The following GABRB3 variants were observed in gnomAD, a reference collection of about 807,000 sequenced individuals.
GABRB3 encodes gamma-aminobutyric acid type A receptor subunit beta3, also known as gamma-aminobutyric acid receptor subunit beta-3.
GABRB3 carries 14 observed loss-of-function variants against 52.1 expected under a neutral mutation model. The observed-to-expected ratio is 0.27, with a 90% CI of 0.18 to 0.42. GABRB3 has a LOEUF of 0.42. Among genes scored for constraint, GABRB3 ranks in the 10% least tolerant of loss-of-function variants. The pLI is 1.00. For missense variants in GABRB3, 307 were observed against 609.1 expected (o/e 0.50, Z 5.22); for synonymous variants, 260 against 232.3 (o/e 1.12, Z -1.08).
intron 3 of GABRB3, among the ~76,000 whole-genome samples, chr15:26,739,751 T>C (rs1890155009): frequency 6.6e-6 from 1 of 152,232 alleles, no homozygotes. Flanking sequence ...GTTCACATAA[T>C]GTGTACAAAT....
At chr15:26,664,122 A>G (rs1455340324) in intron 3 of GABRB3, among the ~76,000 whole-genome samples, 2 of 152,112 alleles carry the variant, frequency 1.3e-5, no homozygotes, top group Admixed American at 1.3e-4. Flanking sequence ...ATAGCTCCCT[A>G]TAACCTCGGA....
chr15:26,664,822 T>G (rs1229145559), intron 3 of GABRB3, among the ~76,000 whole-genome samples: 2 of 144,706 alleles, frequency 1.4e-5, no homozygotes, highest in Admixed American at 7.1e-5. Context: ...AAGCTCAGCC[T>G]CCCAAGTAGC....
chr15:26,597,546 G>A (rs1333673953), intron 4 of GABRB3, among the ~76,000 whole-genome samples: 2 of 152,208 alleles, frequency 1.3e-5, no homozygotes, highest in African/African-American at 2.4e-5. Context: ...CTACATGGAT[G>A]AAATGGAGGT....
rs1487709877 is a variant in GABRB3 at position 26,554,146 on chromosome 15, A to G, written c.1081-6012T>C. Among the ~76,000 whole-genome samples, 206 of 39,718 alleles carry G rather than the reference A, an allele frequency of 5.2e-3. 10 individuals are homozygous for G. Among genetic ancestry groups the G allele is most frequent in the African/African-American group, 0.026 (189 of 7,220 alleles). The allele number at this position is 39,718 out of a possible 152,430, so 26.1% of individuals were successfully genotyped here. On this transcript the variant is annotated intron_variant, in intron 8 of 8. Coordinates refer to ENST00000311550, the MANE Select transcript of GABRB3 (RefSeq NM_000814.6). ...GTGTGTGTATATATATATATAAAGT[A>G]TATATATATATAAAGTATATATATA...
chr15:26,625,697 A>G (rs1892664541), intron 3 of GABRB3, among the ~76,000 whole-genome samples: 1 of 152,190 alleles, frequency 6.6e-6, no homozygotes, highest in Non-Finnish European at 1.5e-5. Flanking sequence ...TACAAAAATA[A>G]GAAATGACTG....
Position 26,733,218 on chromosome 15 carries a change from T to C in GABRB3, c.240+39184A>G, listed in dbSNP as rs755801471. On this transcript the variant is annotated intron_variant, in intron 3 of 8. Transcript: ENST00000311550. The stretch of plus-strand genomic sequence containing the variant: ...AAAGAAAAAAGTAAAATTCTCTCCC[T>C]TTATGGATGATATGATATTTTATGT... 5.1e-4 allele frequency among the ~76,000 whole-genome samples: 78 copies of C among 152,288 alleles called. 1 individual carries two copies. The highest frequency in any genetic ancestry group is 6.8e-3 in the Middle Eastern group (2 of 294).
At position 26,560,863 on chromosome 15, in the gene GABRB3, T is replaced by C. The variant is rs914034274; in HGVS notation, c.1080+69A>G. 20 of 1,604,578 alleles carry C rather than the reference T, an allele frequency of 1.2e-5. No homozygotes were observed. In the East Asian group the frequency reaches 3.1e-4, roughly 25 times the overall value. ...CTACTGGGGAAAAAACAAAGAAATA[T>C]CATGCAAGTAAATGCAGTAGCTGCT... On this transcript the variant is annotated intron_variant, in intron 8 of 8. Coordinates refer to ENST00000311550, the MANE Select transcript of GABRB3 (RefSeq NM_000814.6).
intron 3 of GABRB3, among the ~76,000 whole-genome samples, chr15:26,640,117 A>C (rs1333880118): frequency 1.3e-5 from 2 of 152,226 alleles, no homozygotes; most frequent in Non-Finnish European, 2.9e-5. Context: ...CACACTATTC[A>C]TATTCAAATG....
intron 3 of GABRB3, among the ~76,000 whole-genome samples, chr15:26,623,348 G>C (rs1892560821): frequency 6.6e-6 from 1 of 152,188 alleles, no homozygotes. Flanking sequence ...GGAGCAGAGA[G>C]CCATGACCAG....
intron 3 of GABRB3, among the ~76,000 whole-genome samples, chr15:26,695,631 A>C (rs1275597976): frequency 6.6e-6 from 1 of 152,158 alleles, no homozygotes; most frequent in Non-Finnish European, 1.5e-5. Flanking sequence ...TAGGTCAGGA[A>C]CTCAGATCTG....
intron 8 of GABRB3, among the ~76,000 whole-genome samples, chr15:26,554,191 C>CACACTA (rs1567097873): frequency 6.4e-5 from 1 of 15,572 alleles, no homozygotes; most frequent in Non-Finnish European, 1.4e-4. Context: ...TATATATATA[C>CACACTA]TATATATATA....
At chr15:26,615,227 A>T (rs1257761893) in intron 4 of GABRB3, 1 of 940,866 alleles carries the variant, frequency 1.1e-6, no homozygotes, top group Non-Finnish European at 1.3e-6. Context: ...GGACAGGACA[A>T]AGGACCATTA....
At chr15:26,733,230 A>G in intron 3 of GABRB3, among the ~76,000 whole-genome samples, 1 of 152,146 alleles carries the variant, frequency 6.6e-6, no homozygotes, top group East Asian at 1.9e-4. Flanking sequence ...TATGGATGAT[A>G]TGATATTTTA....
At chr15:26,772,321 C>G in intron 3 of GABRB3, 81 bp downstream of exon 3, 6 of 1,287,038 alleles carry the variant, frequency 4.7e-6, no homozygotes, top group Non-Finnish European at 5.5e-6. Context: ...GAAGAGGCCT[C>G]CGGCCCAGCA....
chr15:26,609,319 G>A (rs1291003693), intron 4 of GABRB3, among the ~76,000 whole-genome samples: 1 of 152,118 alleles, frequency 6.6e-6, no homozygotes, highest in Non-Finnish European at 1.5e-5. Context: ...AGTGGTTACA[G>A]AGAATGGAGG....
chr15:26,561,707 A>C (rs1889994427), intron 7 of GABRB3, among the ~76,000 whole-genome samples: 1 of 152,212 alleles, frequency 6.6e-6, no homozygotes, highest in African/African-American at 2.4e-5. Flanking sequence ...ATTGGAAGCA[A>C]GAGGAATGAG....
intron 3 of GABRB3, among the ~76,000 whole-genome samples, chr15:26,749,238 C>G (rs1890434411): frequency 6.6e-6 from 1 of 151,896 alleles, no homozygotes; most frequent in Non-Finnish European, 1.5e-5. Context: ...TCATTCAGTA[C>G]TATGTATCAT....
intron 3 of GABRB3, among the ~76,000 whole-genome samples, chr15:26,727,081 C>A (rs373117507): frequency 5.9e-5 from 9 of 152,238 alleles, no homozygotes; most frequent in East Asian, 3.9e-4. Context: ...ATTGATTGAA[C>A]CTAGGAGGTG....
chr15:26,708,034 G>GA (rs1399220934), intron 3 of GABRB3, among the ~76,000 whole-genome samples: 1 of 152,044 alleles, frequency 6.6e-6, no homozygotes, highest in African/African-American at 2.4e-5. Context: ...TGTCAGCACA[G>GA]AAAAAATTTC....
Sources: gnomAD v4.1 joint callset for allele counts (sites outside exome capture counted in the v4.1 genomes callset) on GRCh38, gnomAD v4.1.1 for gene constraint, MANE v1.5 for transcripts, NCBI Gene and HGNC (gene_info 2026-07-23, HGNC 2026-07-21) for gene names.